Variants in SLCO3A1 observed in about 807,000 individuals in gnomAD.
The protein encoded by SLCO3A1 is PGE1 transporter.
In SLCO3A1, 27 loss-of-function variants were observed where a neutral mutation model predicts 63.1. That is an observed-to-expected ratio of 0.43 (90% CI 0.32 to 0.59). SLCO3A1 has a LOEUF of 0.59. SLCO3A1 is among the 20% of genes least tolerant of loss of function. The pLI is 0.09. For missense variants in SLCO3A1, 773 were observed against 945.8 expected, an observed-to-expected ratio of 0.82 and a Z score of 2.40; for synonymous variants, 473 against 409.9, an observed-to-expected ratio of 1.15 and a Z score of -1.86.
At chr15:92,168,332 C>T (rs763832466), downstream of SLCO3A1, among the ~76,000 whole-genome samples, 10 of 152,150 alleles carry the variant, frequency 6.6e-5, no homozygotes, top group Non-Finnish European at 1.3e-4. Flanking sequence ...CCAGAGAGAG[C>T]GCCACCAAAA....
chr15:92,136,242 C>G (rs1207303625), intron 7 of SLCO3A1, among the ~76,000 whole-genome samples: 1 of 152,188 alleles, frequency 6.6e-6, no homozygotes, highest in Non-Finnish European at 1.5e-5. Context: ...ATACAAATAT[C>G]CCCATACAAT....
chr15:92,113,487 A>G (rs2047754657), intron 4 of SLCO3A1, among the ~76,000 whole-genome samples: 1 of 152,212 alleles, frequency 6.6e-6, no homozygotes, highest in African/African-American at 2.4e-5. Flanking sequence ...CACTCAAGCC[A>G]CAAGGTGCAA....
At chr15:92,118,320 G>A (rs1209509405) in intron 4 of SLCO3A1, among the ~76,000 whole-genome samples, 1 of 152,168 alleles carries the variant, frequency 6.6e-6, no homozygotes, top group Non-Finnish European at 1.5e-5. Context: ...CACAGGATTC[G>A]GTTGCTCAGG....
In SLCO3A1 at chr15:91,968,053, T is replaced by C. The variant is rs1328464335; in HGVS notation, c.646+51595T>C. On this transcript the variant is annotated intron_variant, in intron 2 of 9. Coordinates refer to ENST00000318445, the MANE Select transcript of SLCO3A1 (RefSeq NM_013272.4). This position sits in a 1 kb window ranked among gnomAD's most constrained non-coding sequence, Gnocchi z 4.2. ...GTTCAGATGCTTCCATCCTGAACAT[T>C]TTCTAGAGTCCCCTGCCTAGTCGCC... is the stretch of plus-strand genomic sequence containing the variant. Among the ~76,000 whole-genome samples, 1 of 152,126 alleles carries C rather than the reference T, an allele frequency of 6.6e-6. No homozygotes were observed. Among genetic ancestry groups the C allele is most frequent in the Non-Finnish European group, 1.5e-5 (1 of 68,028 alleles).
At chr15:92,085,568 A>G (rs2047394841) in intron 2 of SLCO3A1, among the ~76,000 whole-genome samples, 1 of 152,238 alleles carries the variant, frequency 6.6e-6, no homozygotes, top group African/African-American at 2.4e-5. Flanking sequence ...GGCGTCACAC[A>G]GCAGGCACTC....
intron 2 of SLCO3A1, among the ~76,000 whole-genome samples, chr15:92,078,492 A>G (rs1012893434): frequency 6.6e-6 from 1 of 152,164 alleles, no homozygotes; most frequent in Non-Finnish European, 1.5e-5. Context: ...CAGCCCAGCC[A>G]TCTCCTACAC....
intron 2 of SLCO3A1, among the ~76,000 whole-genome samples, chr15:91,918,656 A>G (rs916376302): frequency 6.6e-6 from 1 of 152,262 alleles, no homozygotes; most frequent in African/African-American, 2.4e-5. Flanking sequence ...TGAGCTATAA[A>G]AAAAGTGTTT....
At chr15:91,868,374 T>A (rs974340749) in intron 1 of SLCO3A1, among the ~76,000 whole-genome samples, 17 of 129,846 alleles carry the variant, frequency 1.3e-4, no homozygotes, top group South Asian at 1.3e-3. Context: ...TTTTTTTTTT[T>A]AATATAAAGA....
chr15:91,996,550 C>T (rs1365362692), intron 2 of SLCO3A1, among the ~76,000 whole-genome samples: 2 of 151,848 alleles, frequency 1.3e-5, no homozygotes, highest in Admixed American at 6.6e-5. Context: ...AACATAATTT[C>T]GTGTAAGGGG....
At chr15:92,116,358 C>T (rs1041809148) in intron 4 of SLCO3A1, among the ~76,000 whole-genome samples, 2 of 152,324 alleles carry the variant, frequency 1.3e-5, no homozygotes, top group Non-Finnish European at 2.9e-5. Context: ...CCTGTTTTCC[C>T]TAGAGACCGC....
At chr15:92,049,700 C>T (rs780432662) in intron 2 of SLCO3A1, among the ~76,000 whole-genome samples, 17 of 152,266 alleles carry the variant, frequency 1.1e-4, no homozygotes, top group Non-Finnish European at 1.5e-4. Flanking sequence ...CAAATCCAAA[C>T]GCTGTTAGAG....
rs1446747270 is a variant in SLCO3A1, at chr15:91,968,327, A to G, written c.646+51869A>G. 6.6e-6 allele frequency among the ~76,000 whole-genome samples: 1 copy of G among 152,070 alleles called. No homozygotes were observed. Among genetic ancestry groups the G allele is most frequent in the Non-Finnish European group, 1.5e-5 (1 of 68,016 alleles). On this transcript the variant is annotated intron_variant, in intron 2 of 9. Coordinates refer to ENST00000318445, the MANE Select transcript of SLCO3A1 (RefSeq NM_013272.4). This position sits in a 1 kb window ranked among gnomAD's most constrained non-coding sequence, Gnocchi z 4.2. The stretch of plus-strand genomic sequence containing the variant: ...AAGTTTAGCTGGCATCATTAAAATG[A>G]CTTTCTAGTCTCCTGCGAGCTTTCT...
intron 2 of SLCO3A1, among the ~76,000 whole-genome samples, chr15:91,921,577 A>G (rs934864425): frequency 6.6e-6 from 1 of 152,210 alleles, no homozygotes; most frequent in African/African-American, 2.4e-5. Flanking sequence ...TAAAAATTAC[A>G]GAATCACAAG....
intron 2 of SLCO3A1, among the ~76,000 whole-genome samples, chr15:92,032,234 C>G (rs1327761330): frequency 6.6e-6 from 1 of 152,176 alleles, no homozygotes; most frequent in East Asian, 1.9e-4. Context: ...GAGGGTCACA[C>G]CATGTGCAGG....
intron 2 of SLCO3A1, among the ~76,000 whole-genome samples, chr15:92,049,301 T>A (rs2046928657): frequency 6.6e-6 from 1 of 152,122 alleles, no homozygotes; most frequent in South Asian, 2.1e-4. Flanking sequence ...GTGTCTGAAA[T>A]CCAGATTCCC....
At chr15:92,103,606 C>G (rs2047631732) in intron 3 of SLCO3A1, among the ~76,000 whole-genome samples, 1 of 152,048 alleles carries the variant, frequency 6.6e-6, no homozygotes, top group African/African-American at 2.4e-5. Context: ...CAAGCATGCG[C>G]CAGGCACTCT....
intron 2 of SLCO3A1, among the ~76,000 whole-genome samples, chr15:91,951,461 G>A (rs1196268941): frequency 6.6e-6 from 1 of 152,074 alleles, no homozygotes; most frequent in Non-Finnish European, 1.5e-5. Context: ...TCATCGGTCA[G>A]TGAACATTTG....
At chr15:92,040,654 C>T (rs541890996) in intron 2 of SLCO3A1, among the ~76,000 whole-genome samples, 48 of 152,236 alleles carry the variant, frequency 3.2e-4, no homozygotes, top group Middle Eastern at 3.4e-3. Context: ...TTGAGGAGCA[C>T]GTGGTGTATA....
At chr15:92,127,938 G>A (rs998592660) in intron 6 of SLCO3A1, among the ~76,000 whole-genome samples, 5 of 152,158 alleles carry the variant, frequency 3.3e-5, no homozygotes, top group African/African-American at 1.2e-4. Context: ...TCAGGACAGG[G>A]GGATAAGCTG....
Sources: allele counts gnomAD v4.1 joint callset (sites outside exome capture counted in the v4.1 genomes callset), GRCh38; gene constraint gnomAD v4.1.1; non-coding constraint Gnocchi (gnomAD v3.1); transcripts MANE v1.5; gene names NCBI Gene and HGNC (gene_info 2026-07-23, HGNC 2026-07-21).